Variants in ANKFN1 observed in about 807,000 individuals in gnomAD.
ANKFN1 encodes the protein ankyrin repeat and fibronectin type-III domain-containing protein 1.
Under a neutral mutation model 108.7 loss-of-function variants are expected in ANKFN1, and 74 were observed. The ratio of observed to expected loss-of-function variants is 0.68; its 90% CI spans 0.56 to 0.83. The LOEUF is 0.83. Ranked by LOEUF, ANKFN1 falls within the 40% of genes least tolerant of loss-of-function variation. ANKFN1 has a pLI of 0.00. For missense variants in ANKFN1, 1,505 were observed against 1,382.3 expected (o/e 1.09, Z -1.41); for synonymous variants, 547 against 516.2 (o/e 1.06, Z -0.81).
intron 15 of ANKFN1, among the ~76,000 whole-genome samples, chr17:56,468,723 G>A (rs534546167): frequency 1.6e-4 from 24 of 152,266 alleles, no homozygotes; most frequent in Non-Finnish European, 3.5e-4. Flanking sequence ...CCCAAACCAG[G>A]ACAAAGGCCA....
At chr17:56,206,299 G>A (rs1004848876) in intron 1 of ANKFN1, among the ~76,000 whole-genome samples, 1 of 151,934 alleles carries the variant, frequency 6.6e-6, no homozygotes, top group African/African-American at 2.4e-5. Flanking sequence ...TATATCATGA[G>A]CTTTTCCTCC....
chr17:56,334,393 T>C (rs1470436640), intron 4 of ANKFN1, among the ~76,000 whole-genome samples: 1 of 152,134 alleles, frequency 6.6e-6, no homozygotes, highest in Admixed American at 6.6e-5. Context: ...TATATGTTCA[T>C]TATCTTGATT....
chr17:56,310,917 C>T (rs2045003582), intron 3 of ANKFN1, among the ~76,000 whole-genome samples: 1 of 152,118 alleles, frequency 6.6e-6, no homozygotes, highest in South Asian at 2.1e-4. Context: ...CAACGTCTCC[C>T]CATTTCCTCC....
At chr17:56,460,654 T>A (rs2049872401) in intron 14 of ANKFN1, among the ~76,000 whole-genome samples, 1 of 152,050 alleles carries the variant, frequency 6.6e-6, no homozygotes, top group South Asian at 2.1e-4. Flanking sequence ...CCTTCTTTTT[T>A]TTTTTCTTTT....
rs201021822 is a variant in ANKFN1, at chr17:56,276,898, A to AT, written c.53+48949dup. Among the ~76,000 whole-genome samples, 245 of 151,968 alleles carry AT rather than the reference A, an allele frequency of 1.6e-3. 1 individual carries two copies. The highest frequency in any genetic ancestry group is 5.4e-3 in the African/African-American group (225 of 41,466). On this transcript the variant is annotated intron_variant, in intron 3 of 20. Coordinates refer to ENST00000682825, the MANE Select transcript of ANKFN1 (RefSeq NM_001370326.1). Reference sequence around the variant, plus strand: ...TAACTTAAATGCTTTGAATGAGATGATTTTTTTTGCTGAGGGAGCCCCAGC... The same window carrying AT: ...TAACTTAAATGCTTTGAATGAGATGATTTTTTTTTGCTGAGGGAGCCCCAGC...
At chr17:56,169,412 C>T (rs544143726) in intron 1 of ANKFN1, among the ~76,000 whole-genome samples, 3 of 152,218 alleles carry the variant, frequency 2.0e-5, no homozygotes, top group African/African-American at 7.2e-5. Flanking sequence ...GCTGGAACTA[C>T]AGGAACACCG....
chr17:56,338,244 T>A (rs62075291), intron 4 of ANKFN1, among the ~76,000 whole-genome samples: 5 of 151,782 alleles, frequency 3.3e-5, no homozygotes, highest in Admixed American at 6.6e-5. Flanking sequence ...TAGGTGGGAA[T>A]TGAACAATGA....
intron 4 of ANKFN1, among the ~76,000 whole-genome samples, chr17:56,076,138 A>G (rs1230152298): frequency 2.0e-5 from 3 of 152,194 alleles, no homozygotes; most frequent in African/African-American, 7.2e-5. Context: ...ACATTTCAAT[A>G]GCACTTTTCT....
chr17:56,381,261 G>C lies in ANKFN1; in HGVS notation c.910+6547G>C, dbSNP rs183440931. On this transcript the variant is annotated intron_variant, in intron 8 of 20. Coordinates refer to ENST00000682825, the MANE Select transcript of ANKFN1 (RefSeq NM_001370326.1). ...TAGAAGGAAAACTAACAAACACAAA[G>C]ACATCCACACCAAAAACCCATCTGT... 4.6e-5 allele frequency among the ~76,000 whole-genome samples: 7 copies of C among 152,168 alleles called. No individual in the cohort carries two copies. In the East Asian group the frequency reaches 7.7e-4, roughly 17 times the overall value.
intron 4 of ANKFN1, among the ~76,000 whole-genome samples, chr17:56,337,405 G>T (rs1489379572): frequency 6.6e-6 from 1 of 152,050 alleles, no homozygotes; most frequent in Admixed American, 6.6e-5. Context: ...GGGTGCTCAG[G>T]CAAGGACTTC....
At chr17:56,158,224 A>G (rs1415632482) in intron 1 of ANKFN1, among the ~76,000 whole-genome samples, 2 of 152,132 alleles carry the variant, frequency 1.3e-5, no homozygotes, top group East Asian at 3.9e-4. Context: ...CCCCTCACAT[A>G]CACCCCAGTG....
rs557510503 is a variant in ANKFN1, at chr17:56,097,806, G to A, written c.288+51481G>A. On this transcript the variant is annotated intron_variant, in intron 4 of 12. Transcript: ENST00000635860. Reference sequence around the variant, plus strand: ...CAAGGTATGCTGGTTCAGAGCCTTAGCACTTGCTGTTTTCTTGGCCTGAAG... The same window carrying A: ...CAAGGTATGCTGGTTCAGAGCCTTAACACTTGCTGTTTTCTTGGCCTGAAG... Among the ~76,000 whole-genome samples, 11 of 152,276 alleles carry A rather than the reference G, an allele frequency of 7.2e-5. No homozygotes were observed. The South Asian group carries it at 1.9e-3, about 26-fold the overall frequency.
At chr17:56,463,458 A>G (rs1345360089) in intron 14 of ANKFN1, among the ~76,000 whole-genome samples, 2 of 152,230 alleles carry the variant, frequency 1.3e-5, no homozygotes, top group East Asian at 3.8e-4. Context: ...AAAGAAGTCT[A>G]TTCTTAATTA....
chr17:56,246,608 A>T (rs1038717524), intron 3 of ANKFN1, among the ~76,000 whole-genome samples: 3 of 152,150 alleles, frequency 2.0e-5, no homozygotes, highest in African/African-American at 7.2e-5. Flanking sequence ...TTAATTAACA[A>T]TAAATGTTAT....
intron 4 of ANKFN1, among the ~76,000 whole-genome samples, chr17:56,055,781 G>A (rs1323791582): frequency 6.6e-6 from 1 of 150,652 alleles, no homozygotes; most frequent in African/African-American, 2.4e-5. Flanking sequence ...TCTATTTTTA[G>A]TTCTTTGAGA....
intron 8 of ANKFN1, among the ~76,000 whole-genome samples, chr17:56,399,694 G>T (rs1157578541): frequency 6.6e-6 from 1 of 151,704 alleles, no homozygotes; most frequent in Admixed American, 6.6e-5. Context: ...CGTCCTGATA[G>T]CTTTGCTCCC....
chr17:56,383,465 G>T (rs959922257), intron 8 of ANKFN1, among the ~76,000 whole-genome samples: 3 of 152,068 alleles, frequency 2.0e-5, no homozygotes, highest in African/African-American at 4.8e-5. Flanking sequence ...CAGAAGGCAA[G>T]AAATAACTAA....
intron 3 of ANKFN1, among the ~76,000 whole-genome samples, chr17:56,254,528 A>T (rs988833505): frequency 1.3e-5 from 2 of 152,202 alleles, no homozygotes; most frequent in African/African-American, 2.4e-5. Context: ...TTCTAGCTCC[A>T]TATCTGCTTT....
intron 3 of ANKFN1, among the ~76,000 whole-genome samples, chr17:56,316,495 G>C (rs139721624): frequency 4.1e-4 from 63 of 152,214 alleles, no homozygotes; most frequent in African/African-American, 1.2e-3. Flanking sequence ...TGGAGAAAAG[G>C]ACCTGGAAAA....
Sources: gnomAD v4.1 joint callset for allele counts (sites outside exome capture counted in the v4.1 genomes callset) on GRCh38, gnomAD v4.1.1 for gene constraint, MANE v1.5 for transcripts, NCBI Gene and HGNC (gene_info 2026-07-23, HGNC 2026-07-21) for gene names.